The following ZNF69 variants were observed in gnomAD, a reference collection of about 807,000 sequenced individuals.
ZNF69 encodes the protein ZNF3.
Under a neutral mutation model 50.9 loss-of-function variants are expected in ZNF69, and 47 were observed. That is an observed-to-expected ratio of 0.92 (90% CI 0.73 to 1.18). ZNF69 has a LOEUF of 1.18. ZNF69 is among the 50% of genes most tolerant of loss of function. The probability of loss-of-function intolerance (pLI) is 0.00; values close to 1 mark genes in which losing one functional copy is unlikely to be tolerated. For synonymous variants in ZNF69, 216 were observed against 223.1 expected, an observed-to-expected ratio of 0.97 and a Z score of 0.29; for missense variants, 717 against 675.1, an observed-to-expected ratio of 1.06 and a Z score of -0.69.
chr19:11,943,087 G>A, the ZNF69 span, among the ~76,000 whole-genome samples: 1 of 152,102 alleles, frequency 6.6e-6, no homozygotes, highest in East Asian at 1.9e-4. Flanking sequence ...TAGCAAGCAG[G>A]GGAGTAACAA....
chr19:11,958,364 TG>T, the ZNF69 span, among the ~76,000 whole-genome samples: 1 of 152,078 alleles, frequency 6.6e-6, no homozygotes, highest in African/African-American at 2.4e-5. Context: ...GGGGCTGTGT[TG>T]GGTGAGCCAG....
chr19:11,933,406 A>T, the ZNF69 span, among the ~76,000 whole-genome samples: 1 of 147,782 alleles, frequency 6.8e-6, no homozygotes, highest in Non-Finnish European at 1.5e-5. Context: ...ATGAAACTTC[A>T]CTCTTTTTGG....
intron 1 of ZNF69, among the ~76,000 whole-genome samples, chr19:11,899,014 C>T (rs779038148): frequency 3.3e-5 from 5 of 152,200 alleles, no homozygotes; most frequent in African/African-American, 4.8e-5. Flanking sequence ...TTTAAGACAA[C>T]TACATGTGTC....
the ZNF69 span, among the ~76,000 whole-genome samples, chr19:11,940,338 G>C: frequency 6.6e-6 from 1 of 152,196 alleles, no homozygotes; most frequent in Admixed American, 6.5e-5. Context: ...CTTGCGGTGA[G>C]TGTTACAGCT....
intron 1 of ZNF69, among the ~76,000 whole-genome samples, chr19:11,899,113 C>G (rs1972189844): frequency 6.6e-6 from 1 of 152,194 alleles, no homozygotes; most frequent in Non-Finnish European, 1.5e-5. Flanking sequence ...TCCCTTCCCT[C>G]TTTTGCCACC....
At chr19:11,965,081 C>T in the ZNF69 span, 2 of 1,246,320 alleles carry the variant, frequency 1.6e-6, no homozygotes, top group East Asian at 2.4e-5. Flanking sequence ...GGTTGATATC[C>T]GCTGTATCCA....
the ZNF69 span, among the ~76,000 whole-genome samples, chr19:11,951,969 C>CT: frequency 1.3e-5 from 2 of 152,110 alleles, no homozygotes; most frequent in African/African-American, 2.4e-5. Context: ...GAGGTCAATA[C>CT]TTTGAGACCA....
the ZNF69 span, among the ~76,000 whole-genome samples, chr19:11,933,736 T>TA: frequency 3.4e-5 from 5 of 147,148 alleles, no homozygotes; most frequent in Non-Finnish European, 7.4e-5. Flanking sequence ...TTTATTTATC[T>TA]AAAAAAAATT....
chr19:11,939,947 G>GT, the ZNF69 span: 5 of 144,502 alleles, frequency 3.5e-5, no homozygotes, highest in African/African-American at 1.4e-4. Context: ...GTAACAAGAC[G>GT]TTTTCTTTTT....
At chr19:11,903,801 T>A in intron 2 of ZNF69, 102 bp downstream of exon 2, 1 of 1,602,750 alleles carries the variant, frequency 6.2e-7, no homozygotes, top group East Asian at 2.2e-5. Flanking sequence ...AATACTTTGA[T>A]GAATAAATGA....
At chr19:11,952,439 T>G in the ZNF69 span, among the ~76,000 whole-genome samples, 2 of 152,236 alleles carry the variant, frequency 1.3e-5, no homozygotes, top group African/African-American at 4.8e-5. Context: ...TCTGATAATG[T>G]GCTGTTGATG....
At chr19:11,978,927 A>G in the ZNF69 span, 4 of 1,614,200 alleles carry the variant, frequency 2.5e-6, no homozygotes, top group Non-Finnish European at 1.7e-6. Flanking sequence ...AAGGAGTCAC[A>G]CGGGAGAGAA....
intron 1 of ZNF69, among the ~76,000 whole-genome samples, chr19:11,895,256 A>G (rs1192396906): frequency 6.6e-6 from 1 of 152,262 alleles, no homozygotes; most frequent in East Asian, 1.9e-4. Context: ...AGCCCATGAC[A>G]TACAGTGCAT....
chr19:11,963,998 G>C, the ZNF69 span, among the ~76,000 whole-genome samples: 1 of 152,260 alleles, frequency 6.6e-6, no homozygotes, highest in Admixed American at 6.5e-5. Flanking sequence ...GAGAGCAGGG[G>C]TTTGAGGGTG....
chr19:11,977,221 A>T, the ZNF69 span: 1 of 1,609,428 alleles, frequency 6.2e-7, no homozygotes, highest in Non-Finnish European at 8.5e-7. Context: ...TTTCTAGCTC[A>T]TGAATGCTGT....
chr19:11,977,172 T>G, the ZNF69 span: 1 of 1,613,908 alleles, frequency 6.2e-7, no homozygotes, highest in Non-Finnish European at 8.5e-7. Context: ...TAGGTAAGGA[T>G]GACAATATTC....
chr19:11,970,531 G>A, the ZNF69 span, among the ~76,000 whole-genome samples: 1 of 152,246 alleles, frequency 6.6e-6, no homozygotes, highest in African/African-American at 2.4e-5. Context: ...TGGAGATGAT[G>A]AGTAGTAGAT....
chr19:11,927,593 T>C, the ZNF69 span, among the ~76,000 whole-genome samples: 9 of 152,318 alleles, frequency 5.9e-5, no homozygotes, highest in Admixed American at 3.9e-4. Context: ...ATAAACTACC[T>C]GTGCCTATGT....
chr19:11,888,388 A>G (rs750788776), intron 1 of ZNF69, among the ~76,000 whole-genome samples: 1 of 152,210 alleles, frequency 6.6e-6, no homozygotes, highest in Non-Finnish European at 1.5e-5. Flanking sequence ...TAAACTGAGG[A>G]ACGTTAACAA....
Sources: allele counts gnomAD v4.1 joint callset (sites outside exome capture counted in the v4.1 genomes callset), GRCh38; gene constraint gnomAD v4.1.1; transcripts MANE v1.5; gene names NCBI Gene and HGNC (gene_info 2026-07-23, HGNC 2026-07-21).